The following GATAD2B variants were observed in gnomAD, a reference collection of about 807,000 sequenced individuals.
GATAD2B encodes transcriptional repressor p66-beta.
In GATAD2B, 8 loss-of-function variants were observed where a neutral mutation model predicts 64.3. The observed-to-expected ratio is 0.12, with a 90% CI of 0.07 to 0.22. The LOEUF (loss-of-function observed/expected upper bound fraction) is 0.22, where lower values mean the gene tolerates loss of function less well. GATAD2B is among the 10% of genes least tolerant of loss of function. The pLI, the probability that GATAD2B is intolerant of heterozygous loss-of-function variation, is 1.00. For synonymous variants in GATAD2B, 281 were observed against 271.3 expected (o/e 1.04, Z -0.35); for missense variants, 453 against 752.0 (o/e 0.60, Z 4.65).
intron 1 of GATAD2B, among the ~76,000 whole-genome samples, chr1:153,912,879 G>A (rs909194424): frequency 6.6e-6 from 1 of 151,988 alleles, no homozygotes; most frequent in African/African-American, 2.4e-5. Context: ...GATCACCTGA[G>A]GTCAGGAGTT....
chr1:153,819,529 C>CA, intron 3 of GATAD2B, 77 bp downstream of exon 3: 1 of 1,066,976 alleles, frequency 9.4e-7, no homozygotes, highest in Admixed American at 2.4e-5. Context: ...AGTCAAAAAA[C>CA]AGAACTAAAT....
chr1:153,892,518 G>A (rs1677448481), intron 1 of GATAD2B, among the ~76,000 whole-genome samples: 1 of 152,188 alleles, frequency 6.6e-6, no homozygotes, highest in Non-Finnish European at 1.5e-5. Flanking sequence ...ATACATAGCT[G>A]CTCATAACAA....
At chr1:153,909,263 G>C (rs993599293) in intron 1 of GATAD2B, among the ~76,000 whole-genome samples, 1 of 151,708 alleles carries the variant, frequency 6.6e-6, no homozygotes, top group Non-Finnish European at 1.5e-5. Context: ...GCCCAGGCTG[G>C]AGTACAGTGG....
At chr1:153,822,699 A>T (rs1443709856) in intron 2 of GATAD2B, among the ~76,000 whole-genome samples, 1 of 152,006 alleles carries the variant, frequency 6.6e-6, no homozygotes, top group Non-Finnish European at 1.5e-5. Context: ...GGGTTTCACT[A>T]TGTTGGCCAG....
chr1:153,832,430 C>G (rs1411960515), intron 1 of GATAD2B, among the ~76,000 whole-genome samples: 1 of 152,162 alleles, frequency 6.6e-6, no homozygotes, highest in East Asian at 1.9e-4. Context: ...CTCTTCAATT[C>G]TGTGAAGGCT....
At chr1:153,821,713 G>A (rs1043444314) in intron 2 of GATAD2B, among the ~76,000 whole-genome samples, 1 of 151,836 alleles carries the variant, frequency 6.6e-6, no homozygotes, top group Non-Finnish European at 1.5e-5. Flanking sequence ...ACAGGTACCC[G>A]GCACCGCGCC....
intron 1 of GATAD2B, among the ~76,000 whole-genome samples, chr1:153,872,643 A>G (rs888900253): frequency 3.9e-5 from 6 of 152,080 alleles, no homozygotes; most frequent in African/African-American, 1.4e-4. Context: ...TTTTGCTTTA[A>G]TTTTATCACT....
intron 1 of GATAD2B, among the ~76,000 whole-genome samples, chr1:153,845,088 G>A (rs1157526417): frequency 3.3e-5 from 5 of 152,106 alleles, no homozygotes; most frequent in African/African-American, 1.2e-4. Context: ...AAGTTACGCA[G>A]AGAAATGGAA....
At position 153,810,265 on chromosome 1, in the gene GATAD2B, C is replaced by T; in HGVS notation, c.1694G>A (p.Gly565Asp). Residue 565 changes from glycine (G) to aspartate (D), a missense_variant, in exon 11 of 11, where the codon GGC becomes GAC. Coordinates refer to ENST00000368655, the MANE Select transcript of GATAD2B (RefSeq NM_020699.4). The stretch of plus-strand genomic sequence containing the variant: ...ACGCTGTCGGTCTGCCAAACTGGGG[C>T]CTTTGTGTCCTCCGATGCCAGTATT... ...YLNTGIGGHK[G>D]PSLADRQREY... The T allele has an allele frequency of 6.2e-7, 1 of 1,613,078 alleles. No individual in the cohort carries two copies. Among genetic ancestry groups the T allele is most frequent in the Non-Finnish European group, 8.5e-7 (1 of 1,179,678 alleles).
chr1:153,833,692 C>T (rs988020493), intron 1 of GATAD2B, among the ~76,000 whole-genome samples: 7 of 151,624 alleles, frequency 4.6e-5, no homozygotes, highest in East Asian at 2.0e-4. Flanking sequence ...TGCCCGTAAT[C>T]CCAGCTACAT....
At chr1:153,826,450 G>A (rs947134661) in intron 2 of GATAD2B, among the ~76,000 whole-genome samples, 3 of 152,016 alleles carry the variant, frequency 2.0e-5, no homozygotes, top group Non-Finnish European at 2.9e-5. Context: ...CTACCATGGT[G>A]AAACCCCATC....
intron 1 of GATAD2B, among the ~76,000 whole-genome samples, chr1:153,844,335 T>G (rs552433616): frequency 6.7e-6 from 1 of 149,666 alleles, no homozygotes; most frequent in Non-Finnish European, 1.5e-5. Context: ...TCGGGTAGAG[T>G]GCACAGGAAA....
chr1:153,904,279 CAAAT>C (rs71093301), intron 1 of GATAD2B, among the ~76,000 whole-genome samples: 2,987 of 147,316 alleles, frequency 0.02, 34 homozygotes, highest in South Asian at 0.033. Flanking sequence ...AACTCCATCT[CAAAT>C]AAATAAATAA....
chr1:153,890,357 A>G (rs918797345), intron 1 of GATAD2B, among the ~76,000 whole-genome samples: 1 of 149,730 alleles, frequency 6.7e-6, no homozygotes, highest in Non-Finnish European at 1.5e-5. Context: ...ACGTGGTGGC[A>G]CGCACCTGTA....
At chr1:153,862,303 A>G (rs1269006033) in intron 1 of GATAD2B, among the ~76,000 whole-genome samples, 1 of 151,510 alleles carries the variant, frequency 6.6e-6, no homozygotes, top group Non-Finnish European at 1.5e-5. Context: ...TTTTATTTTT[A>G]GTAGAGACGG....
intron 1 of GATAD2B, among the ~76,000 whole-genome samples, chr1:153,902,160 A>G (rs1677799289): frequency 6.6e-6 from 1 of 152,050 alleles, no homozygotes; most frequent in South Asian, 2.1e-4. Flanking sequence ...CATGCCTGCA[A>G]TCTCAGCTAC....
chr1:153,857,518 T>C (rs1335686520), intron 1 of GATAD2B, among the ~76,000 whole-genome samples: 1 of 152,262 alleles, frequency 6.6e-6, no homozygotes, highest in East Asian at 1.9e-4. Context: ...TTTTCTACTG[T>C]AGGCACTAAT....
At chr1:153,847,712 A>G (rs1193491830) in intron 1 of GATAD2B, among the ~76,000 whole-genome samples, 1 of 151,182 alleles carries the variant, frequency 6.6e-6, no homozygotes, top group Admixed American at 6.6e-5. Flanking sequence ...GCTACTCTCC[A>G]TTTTCTCTAC....
intron 1 of GATAD2B, among the ~76,000 whole-genome samples, chr1:153,869,763 C>T (rs1032033295): frequency 1.3e-5 from 2 of 152,172 alleles, no homozygotes; most frequent in Admixed American, 1.3e-4. Flanking sequence ...TGCATACACA[C>T]GTAACATCCA....
Sources: gnomAD v4.1 joint callset for allele counts (sites outside exome capture counted in the v4.1 genomes callset) on GRCh38, gnomAD v4.1.1 for gene constraint, MANE v1.5 for transcripts, NCBI Gene and HGNC (gene_info 2026-07-23, HGNC 2026-07-21) for gene names.